Variants in COPS5 observed in about 807,000 individuals in gnomAD.
The protein encoded by COPS5 is COP9 signalosome complex subunit 5.
In COPS5, 8 loss-of-function variants were observed where a neutral mutation model predicts 44.4. The observed-to-expected ratio is 0.18, with a 90% CI of 0.11 to 0.32. The LOEUF (loss-of-function observed/expected upper bound fraction) is 0.32. Ranked by LOEUF, COPS5 falls within the 10% of genes least tolerant of loss-of-function variation. COPS5 has a pLI of 1.00. For synonymous variants in COPS5, 122 were observed against 142.8 expected, an observed-to-expected ratio of 0.85 and a Z score of 1.04; for missense variants, 159 against 406.4, an observed-to-expected ratio of 0.39 and a Z score of 5.23.
intron 1 of COPS5, chr8:67,061,391 A>C (rs1476451461): frequency 8.8e-6 from 4 of 453,732 alleles, no homozygotes; most frequent in Non-Finnish European, 1.8e-5. Context: ...GAAGCTCGAG[A>C]TCAGCCTGAG....
intron 5 of COPS5, among the ~76,000 whole-genome samples, chr8:67,055,978 G>C (rs951103437): frequency 6.6e-6 from 1 of 152,020 alleles, no homozygotes; most frequent in African/African-American, 2.4e-5. Context: ...TCAAAGATTA[G>C]AAAGAATCTT....
chr8:67,061,700 G>C, intron 1 of COPS5, 154 bp downstream of exon 1: 1 of 729,820 alleles, frequency 1.4e-6, no homozygotes, highest in Non-Finnish European at 2.3e-6. Context: ...AGCCCCAGCG[G>C]AGGGCTTAGG....
chr8:67,049,408 G>A (rs1816741637), intron 6 of COPS5, among the ~76,000 whole-genome samples: 1 of 151,956 alleles, frequency 6.6e-6, no homozygotes, highest in South Asian at 2.1e-4. Flanking sequence ...AGGCTGCAGT[G>A]AGCTGAGATC....
intron 4 of COPS5, among the ~76,000 whole-genome samples, chr8:67,056,930 C>T (rs1393884497): frequency 6.6e-6 from 1 of 151,764 alleles, no homozygotes; most frequent in Non-Finnish European, 1.5e-5. Context: ...AGATTGCGGC[C>T]TCCTGCCAGG....
chr8:67,050,854 ACAC>A (rs1804404007), intron 6 of COPS5, among the ~76,000 whole-genome samples: 1 of 151,914 alleles, frequency 6.6e-6, no homozygotes, highest in African/African-American at 2.4e-5. Flanking sequence ...TTTGCAACTT[ACAC>A]AATTCCCTTT....
chr8:67,051,490 G>A, intron 5 of COPS5, 149 bp from the exon 6 acceptor site: 1 of 577,982 alleles, frequency 1.7e-6, no homozygotes, highest in South Asian at 2.3e-5. Flanking sequence ...GCTAACCATG[G>A]TTTCCTCACA....
chr8:67,047,083 A>T (rs1198748546), intron 6 of COPS5, among the ~76,000 whole-genome samples: 2 of 152,146 alleles, frequency 1.3e-5, no homozygotes, highest in African/African-American at 4.8e-5. Flanking sequence ...AACACAAAAA[A>T]AATTTCACAA....
At chr8:67,060,579 C>T (rs1339240576) in intron 1 of COPS5, 3 of 1,066,806 alleles carry the variant, frequency 2.8e-6, no homozygotes, top group South Asian at 2.6e-5. Context: ...TTACTGTGCT[C>T]CTATTACATA....
At chr8:67,056,002 TTA>T (rs1804497738) in intron 5 of COPS5, among the ~76,000 whole-genome samples, 1 of 152,134 alleles carries the variant, frequency 6.6e-6, no homozygotes, top group African/African-American at 2.4e-5. Context: ...TCAGTAGAAA[TTA>T]TATATTTTGA....
intron 4 of COPS5, 43 bp from the exon 5 acceptor site, chr8:67,056,647 AAAAAAATATATATATATAT>A (rs1443508851): frequency 7.7e-5 from 7 of 91,410 alleles, no homozygotes; most frequent in South Asian, 3.6e-4. Context: ...AAAAAAAAAA[AAAAAAATATATATATATAT>A]ATATATATAT....
chr8:67,060,044 A>C (rs973013057), intron 1 of COPS5: 7 of 166,380 alleles, frequency 4.2e-5, no homozygotes, highest in African/African-American at 1.7e-4. Context: ...AGCTGTTATC[A>C]GCATTATTAA....
At chr8:67,061,766 C>G in intron 1 of COPS5, 88 bp downstream of exon 1, 70 of 1,321,218 alleles carry the variant, frequency 5.3e-5, no homozygotes, top group Non-Finnish European at 7.2e-5. Context: ...GGTGAAAGCT[C>G]TTCACCCCTT....
At chr8:67,049,956 TGTTAA>T (rs924292455) in intron 6 of COPS5, among the ~76,000 whole-genome samples, 4 of 152,130 alleles carry the variant, frequency 2.6e-5, no homozygotes, top group African/African-American at 7.2e-5. Context: ...CTACCAAATA[TGTTAA>T]GTTTTTATGA....
intron 5 of COPS5, among the ~76,000 whole-genome samples, chr8:67,054,065 C>T (rs1804460505): frequency 6.7e-6 from 1 of 149,884 alleles, no homozygotes; most frequent in Non-Finnish European, 1.5e-5. Context: ...TAGTCTTTAG[C>T]AATGTAGGCC....
intron 6 of COPS5, among the ~76,000 whole-genome samples, chr8:67,046,542 C>T (rs1045579882): frequency 5.3e-5 from 8 of 151,862 alleles, no homozygotes; most frequent in East Asian, 3.9e-4. Context: ...TTTTCTGGGT[C>T]GGGCGCGGTG....
In COPS5 at chr8:67,056,648, AAAAAATATATATATAT is replaced by A. The variant is rs1226656693; in HGVS notation, c.574-60_574-45del. 1.1e-3 allele frequency: 98 copies of A among 88,810 alleles called. 4 individuals are homozygous for A. Among genetic ancestry groups the A allele is most frequent in the Admixed American group, 1.9e-3 (10 of 5,396 alleles). The allele number at this position is 88,810 out of a possible 1,614,324, so 5.5% of individuals were successfully genotyped here. Reference sequence around the variant, plus strand: ...AACAGAAGATTAAGAAAAAAAAAAAAAAAAATATATATATATATATATATATATATATATATATATA... The same window carrying A: ...AACAGAAGATTAAGAAAAAAAAAAAAATATATATATATATATATATATATA... On this transcript the variant is annotated intron_variant, in intron 4 of 7. Transcript: ENST00000357849.
At chr8:67,053,878 C>T (rs1292792171) in intron 5 of COPS5, among the ~76,000 whole-genome samples, 2 of 140,058 alleles carry the variant, frequency 1.4e-5, no homozygotes, top group Admixed American at 7.2e-5. Context: ...TGATGGTGGG[C>T]GCCTGTAGTT....
chr8:67,045,680 G>T (rs1409528964), intron 7 of COPS5, 132 bp downstream of exon 7: 31 of 894,806 alleles, frequency 3.5e-5, no homozygotes, highest in Non-Finnish European at 4.4e-5. Context: ...AAGTTTCCAA[G>T]AAGTTAATAT....
At chr8:67,043,395 C>A in intron 7 of COPS5, 78 bp from the exon 8 acceptor site, 1 of 792,382 alleles carries the variant, frequency 1.3e-6, no homozygotes, top group Non-Finnish European at 2.1e-6. Context: ...CCCAATCCAT[C>A]CATGTAACTC....
Sources: allele counts gnomAD v4.1 joint callset (sites outside exome capture counted in the v4.1 genomes callset), GRCh38; gene constraint gnomAD v4.1.1; transcripts MANE v1.5; gene names NCBI Gene and HGNC (gene_info 2026-07-23, HGNC 2026-07-21).